Variants in BABAM2 observed in about 807,000 individuals in gnomAD.
BABAM2 encodes BRISC and BRCA1-A complex member 2.
BABAM2 carries 31 observed loss-of-function variants against 54.7 expected under a neutral mutation model. The observed-to-expected ratio is 0.57, with a 90% confidence interval of 0.43 to 0.77. The LOEUF (loss-of-function observed/expected upper bound fraction) is 0.77. Among genes scored for constraint, BABAM2 ranks in the 30% least tolerant of loss-of-function variants. The pLI, the probability that BABAM2 is intolerant of heterozygous loss-of-function variation, is 0.00. For synonymous variants in BABAM2, 167 were observed against 162.9 expected, an observed-to-expected ratio of 1.03 and a Z score of -0.19; for missense variants, 364 against 455.8, an observed-to-expected ratio of 0.80 and a Z score of 1.83.
At chr2:28,085,376 T>C (rs1377165974) in intron 6 of BABAM2, among the ~76,000 whole-genome samples, 1 of 152,228 alleles carries the variant, frequency 6.6e-6, no homozygotes, top group African/African-American at 2.4e-5. Context: ...AAATGTATTC[T>C]GCAGGAATGA....
intron 3 of BABAM2, among the ~76,000 whole-genome samples, chr2:27,938,686 G>T (rs1047339055): frequency 2.0e-5 from 3 of 151,958 alleles, no homozygotes; most frequent in Non-Finnish European, 4.4e-5. Flanking sequence ...CACTGTGCTC[G>T]GCCAGCTCTT....
At chr2:27,901,042 CAAAAAAA>C (rs553293287) in intron 2 of BABAM2, among the ~76,000 whole-genome samples, 1 of 83,616 alleles carries the variant, frequency 1.2e-5, no homozygotes. Context: ...GACTCTGTCT[CAAAAAAA>C]AAAAAAAAAA....
intron 4 of BABAM2, among the ~76,000 whole-genome samples, chr2:28,011,660 G>A (rs940823584): frequency 6.6e-6 from 1 of 152,204 alleles, no homozygotes; most frequent in Non-Finnish European, 1.5e-5. Context: ...GCAGAGATCA[G>A]AAACTAGGTG....
intron 4 of BABAM2, among the ~76,000 whole-genome samples, chr2:27,991,141 A>C (rs1420405777): frequency 1.3e-5 from 2 of 152,180 alleles, no homozygotes; most frequent in East Asian, 3.8e-4. Context: ...AAATAAATTG[A>C]AAAGCCTTTT....
Position 28,247,182 on chromosome 2 carries a change from C to T in BABAM2, c.934+2320C>T, listed in dbSNP as rs117185360. Among the ~76,000 whole-genome samples the T allele has an allele frequency of 2.0e-3, 301 of 152,262 alleles. 9 individuals are homozygous for T. Among genetic ancestry groups the T allele is most frequent in the East Asian group, 0.015 (77 of 5,180 alleles). On this transcript the variant is annotated intron_variant, in intron 10 of 11. Coordinates refer to ENST00000379624, the MANE Select transcript of BABAM2 (RefSeq NM_199191.3). ...CCTGGAGCTCTTATTCCTGTACTCC[C>T]CCGGCTGTTTGGTCCCTGTCTCTTA...
At chr2:28,193,614 A>G (rs141765007) in intron 7 of BABAM2, among the ~76,000 whole-genome samples, 2,004 of 152,314 alleles carry the variant, frequency 0.013, 29 homozygotes, top group South Asian at 0.05. Context: ...CTGGATCCCA[A>G]AATGCTTATC....
intron 2 of BABAM2, among the ~76,000 whole-genome samples, chr2:27,915,905 C>T (rs957518740): frequency 6.6e-6 from 1 of 152,166 alleles, no homozygotes; most frequent in African/African-American, 2.4e-5. Context: ...CCCATCTCCA[C>T]TGGTTTTCCA....
intron 4 of BABAM2, among the ~76,000 whole-genome samples, chr2:27,997,355 G>A (rs1673235445): frequency 1.3e-5 from 2 of 152,134 alleles, no homozygotes. Flanking sequence ...TTTGTGTGTT[G>A]ATGAACTAAA....
chr2:27,936,013 G>C (rs1049338531), intron 3 of BABAM2, among the ~76,000 whole-genome samples: 1 of 152,114 alleles, frequency 6.6e-6, no homozygotes, highest in Non-Finnish European at 1.5e-5. Flanking sequence ...CTGTTTCCCA[G>C]GTTCAGGCGA....
chr2:28,336,535 G>A (rs557801964), intron 11 of BABAM2, among the ~76,000 whole-genome samples: 53 of 152,278 alleles, frequency 3.5e-4, no homozygotes, highest in African/African-American at 1.1e-3. Context: ...GGATGATGGC[G>A]CCTGGGAGTG....
chr2:27,961,450 A>G (rs2148429403), intron 3 of BABAM2, among the ~76,000 whole-genome samples: 1 of 152,294 alleles, frequency 6.6e-6, no homozygotes, highest in East Asian at 1.9e-4. Context: ...TTTGTGTTAG[A>G]TGATTTTGCC....
At chr2:28,022,259 G>A (rs1222261549) in intron 4 of BABAM2, among the ~76,000 whole-genome samples, 1 of 152,150 alleles carries the variant, frequency 6.6e-6, no homozygotes, top group African/African-American at 2.4e-5. Flanking sequence ...TCATGAGTTC[G>A]CTCATGACCA....
At chr2:28,271,378 C>T (rs1685416926) in intron 10 of BABAM2, among the ~76,000 whole-genome samples, 1 of 152,228 alleles carries the variant, frequency 6.6e-6, no homozygotes, top group African/African-American at 2.4e-5. Flanking sequence ...AAGGATTCCC[C>T]AGCCAGTCAG....
chr2:28,324,728 G>A (rs919964805), intron 11 of BABAM2, among the ~76,000 whole-genome samples: 2 of 152,114 alleles, frequency 1.3e-5, no homozygotes, highest in Non-Finnish European at 2.9e-5. Flanking sequence ...CTTGGAGGTC[G>A]AGGCTGCAGT....
intron 11 of BABAM2, among the ~76,000 whole-genome samples, chr2:28,298,848 A>C (rs1687899301): frequency 6.6e-6 from 1 of 151,984 alleles, no homozygotes; most frequent in Non-Finnish European, 1.5e-5. Context: ...GTTTTTTTTC[A>C]TGGAATGTAG....
chr2:28,034,270 C>T (rs759970526), intron 5 of BABAM2, among the ~76,000 whole-genome samples: 6 of 152,076 alleles, frequency 3.9e-5, no homozygotes, highest in Non-Finnish European at 7.4e-5. Context: ...TTCTGCCACC[C>T]GTTCTTTTTG....
chr2:28,051,936 C>T (rs1033211753), intron 6 of BABAM2, among the ~76,000 whole-genome samples: 1 of 152,100 alleles, frequency 6.6e-6, no homozygotes. Context: ...AGGCATGAGC[C>T]ACCATGCCTG....
chr2:28,134,328 T>G (rs1339758527), intron 7 of BABAM2: 1 of 151,836 alleles, frequency 6.6e-6, no homozygotes, highest in Non-Finnish European at 1.5e-5. Flanking sequence ...AAGCTGTGAG[T>G]TTTAAGGTTA....
intron 7 of BABAM2, among the ~76,000 whole-genome samples, chr2:28,213,600 C>G (rs937830455): frequency 3.3e-5 from 5 of 151,964 alleles, no homozygotes; most frequent in Non-Finnish European, 7.4e-5. Context: ...TTAAATTTTG[C>G]TTTACTTTAT....
Sources: gnomAD v4.1 joint callset for allele counts (sites outside exome capture counted in the v4.1 genomes callset) on GRCh38, gnomAD v4.1.1 for gene constraint, MANE v1.5 for transcripts, NCBI Gene and HGNC (gene_info 2026-07-23, HGNC 2026-07-21) for gene names.